The following ADH1B variants were observed in gnomAD, a reference collection of about 807,000 sequenced individuals.
The protein encoded by ADH1B is all-trans-retinol dehydrogenase [NAD(+)] ADH1B.
A neutral mutation model predicts 34.6 loss-of-function variants in ADH1B; 29 were observed. The ratio of observed to expected loss-of-function variants is 0.84; its 90% CI spans 0.62 to 1.14. The LOEUF is 1.14. ADH1B is among the 50% of genes most tolerant of loss of function. ADH1B has a pLI of 0.00. For synonymous variants in ADH1B, 170 were observed against 175.5 expected, an observed-to-expected ratio of 0.97 and a Z score of 0.25; for missense variants, 424 against 468.4, an observed-to-expected ratio of 0.91 and a Z score of 0.87.
chr4:99,305,280 A>C lies in ADH1B; in HGVS notation c.*2560T>G, dbSNP rs1204584192. 6 of 145,952 alleles carry C rather than the reference A, an allele frequency of 4.1e-5. No individual in the cohort carries two copies. The highest frequency in any genetic ancestry group is 2.1e-4 in the Admixed American group (3 of 14,048). The allele number at this position is 145,952 out of a possible 1,614,324, so 9.0% of individuals were successfully genotyped here. On this transcript the variant is annotated 3_prime_UTR_variant, in exon 9 of 9. Transcript: ENST00000305046. The stretch of plus-strand genomic sequence containing the variant: ...CCATGCTCAGAATTTCATTTTAAAT[A>C]TGTTCGTGATATTATTGAAGTCACC...
chr4:99,308,029 T>C (rs201616396), intron 8 of ADH1B, among the ~76,000 whole-genome samples, 165 bp from the exon 9 acceptor site: 1 of 152,156 alleles, frequency 6.6e-6, no homozygotes, highest in African/African-American at 2.4e-5. Flanking sequence ...AAGTTCATCT[T>C]TTTTGGTTTT....
At position 99,313,892 on chromosome 4, in the gene ADH1B, C is replaced by G; in HGVS notation, c.757G>C (p.Glu253Gln). 1 of 1,614,088 alleles carries G rather than the reference C, an allele frequency of 6.2e-7. No homozygotes were observed. The highest frequency in any genetic ancestry group is 2.2e-5 in the East Asian group (1 of 44,882). The stretch of plus-strand genomic sequence containing the variant: ...CCATCAGTCATTTCCTTTAGCACTT[C>G]CTGAATGGGTTTCTTGTAGTCTTGA... ...NPQDYKKPIQ[E>Q]VLKEMTDGGV... The change falls in exon 6 of 9, where the codon GAA becomes CAA. Residue 253 changes from glutamate to glutamine, a missense_variant. By Grantham distance (29) the Glu-to-Gln change is conservative (BLOSUM62 2). Coordinates refer to ENST00000305046, the MANE Select transcript of ADH1B (RefSeq NM_000668.6).
chr4:99,318,145 C>T lies in ADH1B; in HGVS notation c.160G>A (p.Val54Ile). ...VGICHTDDHV[V>I]SGNLVTPLPV... ...AGGGGGGTCACCAGGTTGCCACTAA[C>T]CACGTGGTCATCTGTGTGACAGATT... The change falls in exon 3 of 9, where the codon GTT (valine) becomes ATT (isoleucine). Residue 54 changes from valine to isoleucine, a missense_variant. By Grantham distance (29) the Val-to-Ile change is conservative. Transcript: ENST00000305046. 4 of 1,614,132 alleles carry T rather than the reference C, an allele frequency of 2.5e-6. No homozygotes were observed. The highest frequency in any genetic ancestry group is 3.4e-6 in the Non-Finnish European group (4 of 1,180,006).
In ADH1B at chr4:99,305,076, T is replaced by C. The variant is rs1203519185; in HGVS notation, c.*2764A>G. 6.6e-6 allele frequency: 1 copy of C among 152,142 alleles called. No homozygotes were observed. The highest frequency in any genetic ancestry group is 1.5e-5 in the Non-Finnish European group (1 of 68,024). 9.4% of individuals were successfully genotyped at this position (152,142 alleles called of 1,614,324 possible). A position where few individuals can be genotyped will look rare whatever the true frequency, so the allele number is the denominator to read the frequency against. On this transcript the variant is annotated 3_prime_UTR_variant, in exon 9 of 9. Transcript: ENST00000305046. ...TTTCCTCTTCCACGAATTTCCATCA[T>C]TGTTCATTTTCCTCTTTGGTTGTCT... is the stretch of plus-strand genomic sequence containing the variant.
intron 4 of ADH1B, 42 bp from the exon 5 acceptor site, chr4:99,316,159 G>A: frequency 6.2e-7 from 1 of 1,614,072 alleles, no homozygotes; most frequent in Non-Finnish European, 8.5e-7. Flanking sequence ...CATGAGACAG[G>A]AGCATAAGTA....
At chr4:99,311,227 T>G (rs1015091508) in intron 7 of ADH1B, among the ~76,000 whole-genome samples, 1 of 152,220 alleles carries the variant, frequency 6.6e-6, no homozygotes, top group African/African-American at 2.4e-5. Context: ...TTGCATGTTC[T>G]ACTAAAAATT....
At chr4:99,311,384 A>G in intron 7 of ADH1B, 137 bp downstream of exon 7, 3 of 1,109,460 alleles carry the variant, frequency 2.7e-6, no homozygotes, top group Non-Finnish European at 3.8e-6. Flanking sequence ...ATAGAAAAGG[A>G]ATTTAAATTT....
intron 3 of ADH1B, chr4:99,317,361 G>A (rs1733911929): frequency 1.3e-5 from 2 of 152,140 alleles, no homozygotes; most frequent in Admixed American, 1.3e-4. Flanking sequence ...CATAAGTTTA[G>A]GGTAAAATAA....
Position 99,318,094 on chromosome 4 carries a change from C to A in ADH1B, c.211G>T (p.Ala71Ser). The change falls in exon 3 of 9, where the codon GCC becomes TCC. Residue 71 changes from alanine to serine, a missense_variant. Physicochemically the swap from Ala to Ser is moderately conservative, Grantham distance 99. Transcript: ENST00000305046. ...PLPVILGHEA[A>S]GIVESVGEGV... is the part of the protein sequence containing the mutation. Reference sequence around the variant, plus strand: ...TCTCCAACACTCTCCACGATGCCGGCTGCCTCATGGCCTAAAATCACAGGA... The same window carrying A: ...TCTCCAACACTCTCCACGATGCCGGATGCCTCATGGCCTAAAATCACAGGA... 1 of 1,614,118 alleles carries A rather than the reference C, an allele frequency of 6.2e-7. No homozygotes were observed. Among genetic ancestry groups the A allele is most frequent in the Non-Finnish European group, 8.5e-7 (1 of 1,179,998 alleles).
In ADH1B at chr4:99,305,561, GTATATATATATATATATA is replaced by G. The variant is rs56951572; in HGVS notation, c.*2261_*2278del. ...CTATATGAACCACTTGCCCCATAGT[GTATATATATATATATATA>G]TATATATATATATATATATATATAT... On this transcript the variant is annotated 3_prime_UTR_variant, in exon 9 of 9. Transcript: ENST00000305046. The G allele has an allele frequency of 3.7e-3, 185 of 49,396 alleles. 17 individuals carry two copies. In the South Asian group the frequency reaches 0.099, roughly 26 times the overall value. 3.1% of individuals were successfully genotyped at this position (49,396 alleles called of 1,614,324 possible). A position where few individuals can be genotyped will look rare whatever the true frequency, so the allele number is the denominator to read the frequency against.
At position 99,307,284 on chromosome 4, in the gene ADH1B, A is replaced by T. The variant is rs1422806626; in HGVS notation, c.*556T>A. 1 of 153,010 alleles carries T rather than the reference A, an allele frequency of 6.5e-6. No individual in the cohort carries two copies. Among genetic ancestry groups the T allele is most frequent in the East Asian group, 1.9e-4 (1 of 5,212 alleles). 9.5% of individuals were successfully genotyped at this position (153,010 alleles called of 1,614,324 possible). A position where few individuals can be genotyped will look rare whatever the true frequency, so the allele number is the denominator to read the frequency against. Reference sequence around the variant, plus strand: ...GTGGGGCATTTTATTTGAGTTCCTAAGAAATTTCCTGTATTTAGAACTCTT... The same window carrying T: ...GTGGGGCATTTTATTTGAGTTCCTATGAAATTTCCTGTATTTAGAACTCTT... On this transcript the variant is annotated 3_prime_UTR_variant, in exon 9 of 9. Coordinates refer to ENST00000305046, the MANE Select transcript of ADH1B (RefSeq NM_000668.6).
In ADH1B at chr4:99,320,978, A is replaced by C. The variant is rs935659767; in HGVS notation, c.18+336T>G. The C allele has an allele frequency of 2.3e-5, 26 of 1,131,218 alleles. No individual in the cohort carries two copies. The African/African-American group carries it at 4.1e-4, about 18-fold the overall frequency. 70.1% of individuals were successfully genotyped at this position (1,131,218 alleles called of 1,614,324 possible). A position where few individuals can be genotyped will look rare whatever the true frequency, so the allele number is the denominator to read the frequency against. On this transcript the variant is annotated intron_variant, in intron 1 of 8. Coordinates refer to ENST00000305046, the MANE Select transcript of ADH1B (RefSeq NM_000668.6). ...TTTGAATTATGGTTTCTTATTATAAAGATAACTTGCCATTAAAGACTTTTC... is the reference window on the plus strand; with the variant it reads ...TTTGAATTATGGTTTCTTATTATAACGATAACTTGCCATTAAAGACTTTTC...
intron 1 of ADH1B, chr4:99,320,739 G>T: frequency 9.6e-7 from 1 of 1,045,172 alleles, no homozygotes; most frequent in Non-Finnish European, 1.2e-6. Flanking sequence ...TCCCTGAATT[G>T]TATCATAATG....
intron 3 of ADH1B, chr4:99,316,977 A>T (rs1301490404): frequency 6.6e-6 from 1 of 152,144 alleles, no homozygotes; most frequent in Non-Finnish European, 1.5e-5. Flanking sequence ...TTTTTAGCTG[A>T]TAATTTGCGA....
rs911763846 is a variant in ADH1B at position 99,320,851 on chromosome 4, G to C, written c.18+463C>G. ...ATTTTGTAAGATATTTTATAGTAAG[G>C]TTAAAGGATATTTCAGTCTTCTGAG... On this transcript the variant is annotated intron_variant, in intron 1 of 8. Coordinates refer to ENST00000305046, the MANE Select transcript of ADH1B (RefSeq NM_000668.6). 5 of 1,255,570 alleles carry C rather than the reference G, an allele frequency of 4.0e-6. No individual in the cohort carries two copies. In the African/African-American group the frequency reaches 6.2e-5, roughly 16 times the overall value. The allele number at this position is 1,255,570 out of a possible 1,614,324, so 77.8% of individuals were successfully genotyped here.
At chr4:99,320,642 T>C (rs1457165467) in intron 1 of ADH1B, 3 of 296,472 alleles carry the variant, frequency 1.0e-5, no homozygotes, top group Non-Finnish European at 1.6e-5. Flanking sequence ...AATTGTATTA[T>C]TATTCAAATT....
chr4:99,310,431 T>A, intron 8 of ADH1B: 1 of 400,044 alleles, frequency 2.5e-6, no homozygotes, highest in Non-Finnish European at 4.8e-6. Flanking sequence ...AAAGACACCA[T>A]GTTATAATTA....
intron 8 of ADH1B, chr4:99,310,445 C>T (rs28914783): frequency 0.42 from 159,773 of 378,978 alleles, 35,770 homozygotes; most frequent in Admixed American, 0.53. Flanking sequence ...ATAATTATGG[C>T]TGTTTAAATA....
chr4:99,314,140 C>G (rs575649813), intron 5 of ADH1B, 59 bp from the exon 6 acceptor site: 18 of 1,592,188 alleles, frequency 1.1e-5, no homozygotes, highest in Non-Finnish European at 1.5e-5. Context: ...AGTGCCTAAG[C>G]TTCATAAAGT....
Sources: gnomAD v4.1 joint callset for allele counts (sites outside exome capture counted in the v4.1 genomes callset) on GRCh38, gnomAD v4.1.1 for gene constraint, MANE v1.5 for transcripts, NCBI Gene and HGNC (gene_info 2026-07-23, HGNC 2026-07-21) for gene names.